The following EPHA6 variants were observed in gnomAD, a reference collection of about 807,000 sequenced individuals.
EPHA6 encodes ephrin type-A receptor 6.
In EPHA6, 50 loss-of-function variants were observed where a neutral mutation model predicts 112.0. The observed-to-expected ratio is 0.45, with a 90% CI of 0.36 to 0.56. The LOEUF is 0.56. Among genes scored for constraint, EPHA6 ranks in the 20% least tolerant of loss-of-function variants. EPHA6 has a pLI of 0.00. For synonymous variants in EPHA6, 529 were observed against 490.7 expected (o/e 1.08, Z -1.03); for missense variants, 1,280 against 1,417.4 (o/e 0.90, Z 1.56).
intron 5 of EPHA6, among the ~76,000 whole-genome samples, chr3:97,310,173 A>G (rs1481523683): frequency 1.3e-5 from 2 of 151,474 alleles, no homozygotes; most frequent in Non-Finnish European, 3.0e-5. Context: ...TTTCAATACT[A>G]TATTGGTTAG....
At chr3:97,267,911 A>G (rs777482602) in intron 5 of EPHA6, among the ~76,000 whole-genome samples, 32 of 152,196 alleles carry the variant, frequency 2.1e-4, no homozygotes, top group Admixed American at 1.1e-3. Context: ...TAGCAATGCA[A>G]TTGGCTGAAA....
intron 1 of EPHA6, among the ~76,000 whole-genome samples, chr3:96,857,762 G>A (rs563671401): frequency 2.0e-5 from 3 of 151,652 alleles, no homozygotes; most frequent in African/African-American, 7.2e-5. Flanking sequence ...TAGCTATACA[G>A]AAGACAACAC....
At chr3:97,266,720 A>AT (rs60477353) in intron 5 of EPHA6, among the ~76,000 whole-genome samples, 17,255 of 152,088 alleles carry the variant, frequency 0.11, 2,187 homozygotes, top group African/African-American at 0.27. Context: ...TCCATATGTC[A>AT]TTTTTTGTAA....
chr3:97,075,090 G>T (rs551936343), intron 3 of EPHA6, among the ~76,000 whole-genome samples: 11 of 151,880 alleles, frequency 7.2e-5, no homozygotes, highest in African/African-American at 2.4e-4. Context: ...GCAGCTTCTT[G>T]CAAAACAATG....
intron 2 of EPHA6, among the ~76,000 whole-genome samples, chr3:96,885,622 C>G (rs2037577544): frequency 6.6e-6 from 1 of 151,938 alleles, no homozygotes; most frequent in African/African-American, 2.4e-5. Context: ...CTCTTCTTTT[C>G]TTGGTTAATC....
In EPHA6 at chr3:97,098,583, T is replaced by C. The variant is rs182269651; in HGVS notation, c.1114+110590T>C. Among the ~76,000 whole-genome samples, 284 of 152,040 alleles carry C rather than the reference T, an allele frequency of 1.9e-3. 2 individuals are homozygous for C. In the Middle Eastern group the frequency reaches 0.024, roughly 13 times the overall value. ...TATGTGACTAAGATTTATGAAATGT[T>C]ATATTATGTGATTATCTTTACCTAA... On this transcript the variant is annotated intron_variant, in intron 3 of 17. Transcript: ENST00000389672.
chr3:97,549,839 TAAATA>T (rs1553810015), intron 11 of EPHA6, among the ~76,000 whole-genome samples: 4 of 151,552 alleles, frequency 2.6e-5, no homozygotes, highest in Non-Finnish European at 5.9e-5. Flanking sequence ...TAAAATAAAA[TAAATA>T]AAATAAAATA....
chr3:96,912,867 C>T (rs1345463571), intron 2 of EPHA6, among the ~76,000 whole-genome samples: 1 of 152,028 alleles, frequency 6.6e-6, no homozygotes, highest in East Asian at 1.9e-4. Context: ...GTTGGGATTC[C>T]AGGCATGAGC....
chr3:97,543,889 CTCTG>C (rs1352444394), intron 11 of EPHA6, among the ~76,000 whole-genome samples: 14 of 151,432 alleles, frequency 9.2e-5, no homozygotes, highest in Non-Finnish European at 1.6e-4. Context: ...TGATTTGGCT[CTCTG>C]TCTGTTATTG....
chr3:96,950,025 T>A (rs1291452845), intron 2 of EPHA6, among the ~76,000 whole-genome samples: 1 of 152,188 alleles, frequency 6.6e-6, no homozygotes, highest in African/African-American at 2.4e-5. Flanking sequence ...CAGTGTCTTC[T>A]AACAAATAAA....
chr3:97,319,904 A>T (rs1396892549), intron 5 of EPHA6, among the ~76,000 whole-genome samples: 2 of 152,022 alleles, frequency 1.3e-5, no homozygotes, highest in Non-Finnish European at 2.9e-5. Context: ...CTGTAGGGGT[A>T]GTTTTAGAAT....
At chr3:97,154,407 A>G (rs960256177) in intron 3 of EPHA6, among the ~76,000 whole-genome samples, 2 of 152,182 alleles carry the variant, frequency 1.3e-5, no homozygotes, top group Non-Finnish European at 2.9e-5. Context: ...ATGTTTTGGT[A>G]TATTTCCACA....
At chr3:97,518,549 AT>A (rs1234205408) in intron 10 of EPHA6, among the ~76,000 whole-genome samples, 2 of 149,936 alleles carry the variant, frequency 1.3e-5, no homozygotes, top group Non-Finnish European at 3.0e-5. Flanking sequence ...TTTTTGAGAG[AT>A]CCTCCATACT....
At chr3:97,686,877 C>A (rs964584513) in intron 14 of EPHA6, among the ~76,000 whole-genome samples, 4 of 152,094 alleles carry the variant, frequency 2.6e-5, no homozygotes, top group African/African-American at 9.7e-5. Flanking sequence ...CTACCCTCAC[C>A]AGCTTTAGGG....
intron 5 of EPHA6, among the ~76,000 whole-genome samples, chr3:97,397,338 T>C (rs2086748891): frequency 6.6e-6 from 1 of 151,740 alleles, no homozygotes; most frequent in African/African-American, 2.4e-5. Flanking sequence ...TTCTGCTTTT[T>C]ATTCATTACT....
At chr3:96,877,218 A>G (rs1418255772) in intron 2 of EPHA6, among the ~76,000 whole-genome samples, 1 of 152,140 alleles carries the variant, frequency 6.6e-6, no homozygotes, top group Non-Finnish European at 1.5e-5. Flanking sequence ...TGAAAATTGA[A>G]CTGTGTTCTT....
intron 14 of EPHA6, among the ~76,000 whole-genome samples, chr3:97,677,645 T>C (rs301963): frequency 0.25 from 37,222 of 149,130 alleles, 4,924 homozygotes; most frequent in East Asian, 0.4. Flanking sequence ...TGCATGAATC[T>C]GGGAGGTGGA....
intron 3 of EPHA6, among the ~76,000 whole-genome samples, chr3:97,162,278 G>A (rs1009195963): frequency 5.3e-5 from 8 of 152,108 alleles, no homozygotes; most frequent in Admixed American, 5.2e-4. Flanking sequence ...ATTTTCCTAG[G>A]TAGAGACAAT....
chr3:96,970,859 A>G (rs536707733), intron 2 of EPHA6, among the ~76,000 whole-genome samples: 1 of 152,204 alleles, frequency 6.6e-6, no homozygotes, highest in Non-Finnish European at 1.5e-5. Context: ...CAGCTTCCTC[A>G]TCCATAAATC....
Sources: allele counts gnomAD v4.1 joint callset (sites outside exome capture counted in the v4.1 genomes callset), GRCh38; gene constraint gnomAD v4.1.1; transcripts MANE v1.5; gene names NCBI Gene and HGNC (gene_info 2026-07-23, HGNC 2026-07-21).